Variants in PCDH11Y observed in about 807,000 individuals in gnomAD.
The protein encoded by PCDH11Y is protocadherin 11 Y-linked, also known as protocadherin-11 Y-linked.
For synonymous variants in PCDH11Y, 9 were observed against 83.6 expected (o/e 0.11, Z 4.87); for missense variants, 12 against 224.8 (o/e 0.05, Z 6.05).
chrY:5,227,830 T>C, intron 2 of PCDH11Y, among the ~76,000 whole-genome samples: 1 of 29,472 alleles, frequency 3.4e-5, no homozygotes, highest in Non-Finnish European at 8.2e-5. Context: ...CTTGCTAGTA[T>C]TTTGTTGAGG....
intron 4 of PCDH11Y, among the ~76,000 whole-genome samples, chrY:5,585,850 C>CT (rs2053454968): frequency 1.4e-3 from 23 of 16,378 alleles, no homozygotes; most frequent in Non-Finnish European, 1.7e-3. Context: ...TTCAGAGCTT[C>CT]TTTTTTTTTT....
intron 2 of PCDH11Y, among the ~76,000 whole-genome samples, chrY:5,183,448 T>G: frequency 3.1e-5 from 1 of 32,710 alleles, no homozygotes; most frequent in Non-Finnish European, 7.5e-5. Flanking sequence ...TTGGATCGTG[T>G]TTTTTGCGAC....
intron 2 of PCDH11Y, among the ~76,000 whole-genome samples, chrY:5,308,514 C>T: frequency 3.1e-5 from 1 of 31,784 alleles, no homozygotes; most frequent in Non-Finnish European, 7.6e-5. Flanking sequence ...CAAAAATTAG[C>T]CGGGTGTGGT....
chrY:5,284,261 T>A (rs2053057538), intron 2 of PCDH11Y, among the ~76,000 whole-genome samples: 2 of 32,617 alleles, frequency 6.1e-5, no homozygotes, highest in African/African-American at 2.4e-4. Flanking sequence ...TAATGCAGAT[T>A]TATATCATAC....
At chrY:5,561,457 A>G in intron 3 of PCDH11Y, among the ~76,000 whole-genome samples, 1 of 26,847 alleles carries the variant, frequency 3.7e-5, no homozygotes, top group Admixed American at 3.5e-4. Flanking sequence ...CTCATCTTTA[A>G]TTGTAACTCC....
chrY:5,675,806 G>A (rs2557232), intron 4 of PCDH11Y, among the ~76,000 whole-genome samples: 2 of 33,677 alleles, frequency 5.9e-5, no homozygotes, highest in East Asian at 8.2e-4. Flanking sequence ...GCTGGTCCAC[G>A]CCTGTGGCTT....
At chrY:5,407,832 G>C in intron 2 of PCDH11Y, among the ~76,000 whole-genome samples, 2 of 27,622 alleles carry the variant, frequency 7.2e-5, no homozygotes, top group East Asian at 1.0e-3. Context: ...GGAGAATGGA[G>C]TGAACCAGCG....
At chrY:5,692,307 C>A (rs2053568626) in intron 4 of PCDH11Y, among the ~76,000 whole-genome samples, 1 of 32,514 alleles carries the variant, frequency 3.1e-5, no homozygotes, top group African/African-American at 1.2e-4. Context: ...GTTAGACAAA[C>A]GCTGTATTAG....
At chrY:5,621,220 C>A in intron 4 of PCDH11Y, among the ~76,000 whole-genome samples, 1 of 32,388 alleles carries the variant, frequency 3.1e-5, no homozygotes, top group Admixed American at 2.9e-4. Flanking sequence ...AATCAATGTG[C>A]AAAAATCGCT....
chrY:5,718,690 A>G (rs1354238023), intron 4 of PCDH11Y, among the ~76,000 whole-genome samples: 328 of 33,349 alleles, frequency 9.8e-3, no homozygotes, highest in Non-Finnish European at 0.019. Flanking sequence ...TCATAGCAGT[A>G]AGAAAATGGA....
chrY:5,259,682 GTTAA>G (rs2124657876), intron 2 of PCDH11Y, among the ~76,000 whole-genome samples: 1 of 32,695 alleles, frequency 3.1e-5, no homozygotes, highest in South Asian at 6.8e-4. Context: ...TTTTTGAGTG[GTTAA>G]TTGTTTAGAC....
intron 4 of PCDH11Y, among the ~76,000 whole-genome samples, chrY:5,676,205 C>A (rs2053553633): frequency 3.1e-5 from 1 of 32,171 alleles, no homozygotes; most frequent in Non-Finnish European, 7.6e-5. Context: ...AAGCAACTTC[C>A]TTAGCTGTAT....
chrY:5,144,114 T>TA (rs2052854089), intron 2 of PCDH11Y, among the ~76,000 whole-genome samples: 1 of 33,177 alleles, frequency 3.0e-5, no homozygotes, highest in Non-Finnish European at 7.5e-5. Flanking sequence ...AATCAAGAAT[T>TA]GTGTCTTTAT....
At chrY:5,665,181 G>A in intron 4 of PCDH11Y, among the ~76,000 whole-genome samples, 2 of 33,074 alleles carry the variant, frequency 6.0e-5, no homozygotes, top group African/African-American at 2.4e-4. Context: ...TTCAGGCACT[G>A]TCAGTGTGTG....
At chrY:5,699,988 T>C in intron 4 of PCDH11Y, among the ~76,000 whole-genome samples, 1 of 32,424 alleles carries the variant, frequency 3.1e-5, no homozygotes, top group African/African-American at 1.2e-4. Flanking sequence ...AACCCTGCTT[T>C]TCCTCACTCT....
At chrY:5,417,456 G>A in intron 2 of PCDH11Y, among the ~76,000 whole-genome samples, 1 of 32,571 alleles carries the variant, frequency 3.1e-5, no homozygotes, top group Non-Finnish European at 7.5e-5. Context: ...TACAATATTT[G>A]AAGTCACTGG....
At chrY:5,453,353 C>A (rs2053294919) in intron 2 of PCDH11Y, among the ~76,000 whole-genome samples, 1 of 33,291 alleles carries the variant, frequency 3.0e-5, no homozygotes, top group East Asian at 7.8e-4. Context: ...AAATTAGACC[C>A]CCATCTGTCA....
intron 2 of PCDH11Y, among the ~76,000 whole-genome samples, chrY:5,347,558 C>T (rs2124669879): frequency 3.0e-5 from 1 of 33,455 alleles, no homozygotes; most frequent in Non-Finnish European, 7.4e-5. Context: ...GCTTTAACTA[C>T]GGCAACTATG....
intron 2 of PCDH11Y, among the ~76,000 whole-genome samples, chrY:5,455,389 C>T: frequency 1.5e-4 from 5 of 33,571 alleles, no homozygotes; most frequent in South Asian, 6.8e-4. Context: ...AAACTTTCCT[C>T]ATCTTCCTGT....
Sources: gnomAD v4.1 joint callset for allele counts (sites outside exome capture counted in the v4.1 genomes callset) on GRCh38, gnomAD v4.1.1 for gene constraint, MANE v1.5 for transcripts, NCBI Gene and HGNC (gene_info 2026-07-23, HGNC 2026-07-21) for gene names.